ARHGAP10: variants seen among roughly 807,000 people sequenced by gnomAD.
The protein encoded by ARHGAP10 is rho GTPase-activating protein 10.
Under a neutral mutation model 108.6 loss-of-function variants are expected in ARHGAP10, and 87 were observed. That is an observed-to-expected ratio of 0.80 (90% CI 0.67 to 0.96). The LOEUF (loss-of-function observed/expected upper bound fraction) is 0.96, where lower values mean the gene tolerates loss of function less well. Ranked by LOEUF, ARHGAP10 falls within the 40% of genes least tolerant of loss-of-function variation. The pLI, the probability that ARHGAP10 is intolerant of heterozygous loss-of-function variation, is 0.00. For missense variants in ARHGAP10, 939 were observed against 954.5 expected (o/e 0.98, Z 0.21); for synonymous variants, 347 against 341.1 (o/e 1.02, Z -0.19).
At chr4:147,954,932 T>C (rs925357668) in intron 15 of ARHGAP10, among the ~76,000 whole-genome samples, 2 of 152,134 alleles carry the variant, frequency 1.3e-5, no homozygotes, top group Non-Finnish European at 2.9e-5. Flanking sequence ...CTTCAGCTAA[T>C]ATCTTAGAGA....
chr4:147,882,609 T>A (rs1735372667), intron 10 of ARHGAP10, among the ~76,000 whole-genome samples: 1 of 152,144 alleles, frequency 6.6e-6, no homozygotes. Flanking sequence ...AACATTCATT[T>A]GTGTGTGGGG....
intron 20 of ARHGAP10, among the ~76,000 whole-genome samples, chr4:148,049,499 C>T (rs1729029913): frequency 6.6e-6 from 1 of 152,194 alleles, no homozygotes; most frequent in Non-Finnish European, 1.5e-5. Context: ...GTCTGGTTCT[C>T]TTTGCCTCAA....
intron 7 of ARHGAP10, among the ~76,000 whole-genome samples, chr4:147,868,949 G>T (rs1425103022): frequency 1.3e-5 from 2 of 152,084 alleles, no homozygotes; most frequent in African/African-American, 4.8e-5. Context: ...CCCTGCTTGA[G>T]ATTATAACTT....
intron 10 of ARHGAP10, among the ~76,000 whole-genome samples, chr4:147,896,390 TATTCA>T (rs759812051): frequency 2.6e-4 from 40 of 152,302 alleles, no homozygotes; most frequent in South Asian, 2.1e-4. Flanking sequence ...GATATAATGA[TATTCA>T]GATTTTCTAT....
At chr4:148,018,703 C>G (rs529782108) in intron 18 of ARHGAP10, among the ~76,000 whole-genome samples, 1 of 152,204 alleles carries the variant, frequency 6.6e-6, no homozygotes, top group Non-Finnish European at 1.5e-5. Context: ...TTTACTCTTT[C>G]TAAACAGATA....
intron 1 of ARHGAP10, among the ~76,000 whole-genome samples, chr4:147,819,518 A>T (rs1732394432): frequency 6.6e-6 from 1 of 151,464 alleles, no homozygotes; most frequent in Non-Finnish European, 1.5e-5. Flanking sequence ...ATCTTTTTTT[A>T]TTTTTATTTT....
At chr4:147,846,733 T>C (rs1396718233) in intron 3 of ARHGAP10, among the ~76,000 whole-genome samples, 1 of 152,204 alleles carries the variant, frequency 6.6e-6, no homozygotes, top group Non-Finnish European at 1.5e-5. Context: ...GTAGCTACAG[T>C]CCTAGTTCTT....
At chr4:147,896,298 A>G (rs965467728) in intron 10 of ARHGAP10, among the ~76,000 whole-genome samples, 2 of 152,022 alleles carry the variant, frequency 1.3e-5, no homozygotes, top group African/African-American at 2.4e-5. Flanking sequence ...TAAGTGTTTG[A>G]GGTAATTCAC....
At chr4:147,925,896 G>C (rs1284731482) in intron 13 of ARHGAP10, among the ~76,000 whole-genome samples, 1 of 152,178 alleles carries the variant, frequency 6.6e-6, no homozygotes, top group African/African-American at 2.4e-5. Context: ...TTGTGTTATA[G>C]GAGGAAAAAC....
intron 5 of ARHGAP10, chr4:147,862,487 C>A (rs538021363): frequency 6.6e-6 from 1 of 152,638 alleles, no homozygotes; most frequent in African/African-American, 2.4e-5. Context: ...GTTTCTGGCC[C>A]CCGCGGGCAC....
intron 22 of ARHGAP10, among the ~76,000 whole-genome samples, chr4:148,068,748 T>G (rs187561955): frequency 6.6e-6 from 1 of 152,338 alleles, no homozygotes; most frequent in East Asian, 1.9e-4. Context: ...GTGGCAGTTC[T>G]GAAGTTGAGT....
intron 19 of ARHGAP10, among the ~76,000 whole-genome samples, chr4:148,024,729 T>C (rs1032762509): frequency 2.0e-5 from 3 of 152,256 alleles, no homozygotes; most frequent in Non-Finnish European, 2.9e-5. Flanking sequence ...AGCTAACTTT[T>C]TTATTCTGTC....
intron 14 of ARHGAP10, among the ~76,000 whole-genome samples, chr4:147,944,565 G>A (rs1738297515): frequency 6.6e-6 from 1 of 152,158 alleles, no homozygotes; most frequent in Non-Finnish European, 1.5e-5. Flanking sequence ...TAGCATGCAC[G>A]ACTTAATGTG....
chr4:147,949,560 C>T (rs1190041011), intron 15 of ARHGAP10, among the ~76,000 whole-genome samples: 1 of 151,556 alleles, frequency 6.6e-6, no homozygotes, highest in Non-Finnish European at 1.5e-5. Context: ...CCCACCCTCC[C>T]CCCCACAAAT....
chr4:147,937,073 C>G (rs1317716921), intron 13 of ARHGAP10, among the ~76,000 whole-genome samples: 1 of 152,204 alleles, frequency 6.6e-6, no homozygotes, highest in Non-Finnish European at 1.5e-5. Context: ...ACCATCCCCC[C>G]CACCCCAATC....
At chr4:147,977,017 T>A (rs948311470) in intron 18 of ARHGAP10, among the ~76,000 whole-genome samples, 7 of 152,172 alleles carry the variant, frequency 4.6e-5, no homozygotes, top group African/African-American at 1.7e-4. Context: ...ATGTTAGGGA[T>A]GGGATTGAGG....
chr4:147,776,238 AAG>A (rs1730285423), intron 1 of ARHGAP10, among the ~76,000 whole-genome samples: 1 of 152,278 alleles, frequency 6.6e-6, no homozygotes, highest in Admixed American at 6.5e-5. Flanking sequence ...AAAAAATTCT[AAG>A]ACGGAGTCTT....
chr4:148,035,986 A>G (rs1212732271), intron 19 of ARHGAP10, among the ~76,000 whole-genome samples: 1 of 151,994 alleles, frequency 6.6e-6, no homozygotes. Context: ...ACAGTTTTTA[A>G]AAGGTTTCAT....
At chr4:148,005,170 T>G (rs377654628) in intron 18 of ARHGAP10, among the ~76,000 whole-genome samples, 1 of 152,250 alleles carries the variant, frequency 6.6e-6, no homozygotes, top group Non-Finnish European at 1.5e-5. Context: ...TTTGCACTTA[T>G]TTGTTTATTC....
Sources: gnomAD v4.1 joint callset for allele counts (sites outside exome capture counted in the v4.1 genomes callset) on GRCh38, gnomAD v4.1.1 for gene constraint, MANE v1.5 for transcripts, NCBI Gene and HGNC (gene_info 2026-07-23, HGNC 2026-07-21) for gene names.